Variants in VSTM4 observed in about 807,000 individuals in gnomAD.
VSTM4 encodes the protein V-set and transmembrane domain-containing protein 4.
In VSTM4, 20 loss-of-function variants were observed where a neutral mutation model predicts 36.4. The ratio of observed to expected loss-of-function variants is 0.55; its 90% CI spans 0.39 to 0.80. VSTM4 has a LOEUF of 0.80. Ranked by LOEUF, VSTM4 falls within the 30% of genes least tolerant of loss-of-function variation. VSTM4 has a pLI of 0.00. For synonymous variants in VSTM4, 182 were observed against 173.9 expected (o/e 1.05, Z -0.37); for missense variants, 392 against 404.5 (o/e 0.97, Z 0.26).
At chr10:49,088,557 G>T (rs561364685) in intron 2 of VSTM4, among the ~76,000 whole-genome samples, 64 of 152,346 alleles carry the variant, frequency 4.2e-4, no homozygotes, top group African/African-American at 1.3e-3. Flanking sequence ...TTTTGTGGGT[G>T]GCCATGTTGG....
chr10:49,028,760 G>T (rs915486674), intron 7 of VSTM4, among the ~76,000 whole-genome samples: 5 of 152,306 alleles, frequency 3.3e-5, no homozygotes, highest in African/African-American at 1.2e-4. Context: ...AAAGAAAAAT[G>T]CAATTGCAGC....
At chr10:49,060,315 C>A (rs972569902) in intron 5 of VSTM4, among the ~76,000 whole-genome samples, 1 of 152,180 alleles carries the variant, frequency 6.6e-6, no homozygotes, top group Non-Finnish European at 1.5e-5. Flanking sequence ...TTTATATTCC[C>A]ACCAGCAATG....
chr10:49,037,904 T>C (rs187104324), intron 7 of VSTM4, among the ~76,000 whole-genome samples: 1 of 150,412 alleles, frequency 6.6e-6, no homozygotes, highest in African/African-American at 2.4e-5. Flanking sequence ...CACAATGAGA[T>C]ACCACCTCAC....
At chr10:49,024,414 T>A (rs1180710873) in intron 7 of VSTM4, among the ~76,000 whole-genome samples, 1 of 152,072 alleles carries the variant, frequency 6.6e-6, no homozygotes. Context: ...AAGGCTGCAA[T>A]AAAGGGAAAT....
chr10:49,053,798 G>C (rs989114012), intron 5 of VSTM4, among the ~76,000 whole-genome samples: 1 of 152,162 alleles, frequency 6.6e-6, no homozygotes, highest in Admixed American at 6.5e-5. Flanking sequence ...CCCCTTGACA[G>C]CTGCCCTCCC....
intron 7 of VSTM4, among the ~76,000 whole-genome samples, chr10:49,024,828 A>C (rs1843233346): frequency 6.6e-6 from 1 of 152,158 alleles, no homozygotes; most frequent in Non-Finnish European, 1.5e-5. Flanking sequence ...ATCTTTTGAC[A>C]GGTAAGGAAC....
intron 5 of VSTM4, among the ~76,000 whole-genome samples, chr10:49,055,868 C>G (rs569052587): frequency 1.3e-5 from 2 of 152,356 alleles, no homozygotes; most frequent in African/African-American, 4.8e-5. Context: ...CTATCATGAC[C>G]TTACTGGCAG....
Position 49,115,447 on chromosome 10 carries a change from C to CGCCAGCAGCGCGGCCGCCGCCAGT in VSTM4, c.15_38dup (p.Leu6_Ala13dup), listed in dbSNP as rs1376275528. On this transcript the variant is annotated inframe_insertion, in exon 1 of 8. Transcript: ENST00000332853. ...CGCGCTTACCCGGAGCCGGAGCCCG[C>CGCCAGCAGCGCGGCCGCCGCCAGT]GCCAGCAGCGCGGCCGCCGCCAGTG... 4.1e-4 allele frequency: 423 copies of CGCCAGCAGCGCGGCCGCCGCCAGT among 1,043,064 alleles called. No individual in the cohort carries two copies. The highest frequency in any genetic ancestry group is 4.7e-4 in the Non-Finnish European group (404 of 862,172). 64.6% of individuals were successfully genotyped at this position (1,043,064 alleles called of 1,614,324 possible).
At chr10:49,110,646 T>TAAGCTGGGCCCTAATCTAGTATC (rs2132030969) in intron 1 of VSTM4, among the ~76,000 whole-genome samples, 1 of 151,996 alleles carries the variant, frequency 6.6e-6, no homozygotes, top group African/African-American at 2.4e-5. Context: ...ATAAAGTCAT[T>TAAGCTGGGCCCTAATCTAGTATC]AAGCTGGGCC....
chr10:49,110,925 C>T (rs1273264419), intron 1 of VSTM4, among the ~76,000 whole-genome samples: 2 of 152,212 alleles, frequency 1.3e-5, no homozygotes, highest in East Asian at 1.9e-4. Flanking sequence ...TTCATTCCAG[C>T]CCTCTACCTG....
rs188895123 is a variant in VSTM4, at chr10:49,026,479, T to C, written c.838-6704A>G. The stretch of plus-strand genomic sequence containing the variant: ...CAGATATCTTGTCCTAAAACACAAA[T>C]AAAAACCAATCTGTTTCAAGATAAA... On this transcript the variant is annotated intron_variant, in intron 7 of 7. Transcript: ENST00000332853. Among the ~76,000 whole-genome samples, 121 of 152,304 alleles carry C rather than the reference T, an allele frequency of 7.9e-4. 1 individual carries two copies. The highest frequency in any genetic ancestry group is 2.7e-3 in the African/African-American group (114 of 41,580).
intron 2 of VSTM4, chr10:49,103,724 A>G (rs1477849520): frequency 1.2e-6 from 2 of 1,611,314 alleles, no homozygotes; most frequent in South Asian, 2.2e-5. Context: ...AGTGAAAGAC[A>G]AGCAATTTTA....
intron 3 of VSTM4, among the ~76,000 whole-genome samples, chr10:49,084,097 G>C (rs867391628): frequency 1.3e-5 from 2 of 152,138 alleles, no homozygotes; most frequent in African/African-American, 4.8e-5. Context: ...AACATCAATG[G>C]GGTTGCCTCA....
At chr10:49,058,744 T>C (rs1198660401) in intron 5 of VSTM4, among the ~76,000 whole-genome samples, 2 of 152,202 alleles carry the variant, frequency 1.3e-5, no homozygotes, top group African/African-American at 2.4e-5. Flanking sequence ...AGGCCCCTCA[T>C]TCAGTGACCG....
intron 2 of VSTM4, chr10:49,103,429 G>T: frequency 1.4e-6 from 1 of 732,076 alleles, no homozygotes; most frequent in Non-Finnish European, 1.7e-6. Flanking sequence ...AAGTTGAGTA[G>T]AGATATGGTA....
intron 7 of VSTM4, among the ~76,000 whole-genome samples, chr10:49,039,134 G>A (rs1843478904): frequency 1.3e-5 from 2 of 152,164 alleles, no homozygotes; most frequent in Admixed American, 6.5e-5. Flanking sequence ...GAGAAGTGGG[G>A]GGCAGAGGGG....
At chr10:49,114,131 C>T (rs2132034436) in intron 1 of VSTM4, among the ~76,000 whole-genome samples, 1 of 152,244 alleles carries the variant, frequency 6.6e-6, no homozygotes, top group Non-Finnish European at 1.5e-5. Flanking sequence ...GCAAACTTCT[C>T]ATCATTTTTC....
chr10:49,067,247 A>G (rs565425579), intron 4 of VSTM4, among the ~76,000 whole-genome samples: 1 of 152,384 alleles, frequency 6.6e-6, no homozygotes, highest in East Asian at 1.9e-4. Context: ...GGAACTATGC[A>G]AGCAAAAAAG....
At chr10:49,110,483 C>T (rs1325238826) in intron 1 of VSTM4, among the ~76,000 whole-genome samples, 1 of 152,162 alleles carries the variant, frequency 6.6e-6, no homozygotes, top group Non-Finnish European at 1.5e-5. Flanking sequence ...TTACAAATGG[C>T]ACAAACTTCT....
Sources: allele counts gnomAD v4.1 joint callset (sites outside exome capture counted in the v4.1 genomes callset), GRCh38; gene constraint gnomAD v4.1.1; transcripts MANE v1.5; gene names NCBI Gene and HGNC (gene_info 2026-07-23, HGNC 2026-07-21).